Variants in FNDC3A observed in about 807,000 individuals in gnomAD.
The protein encoded by FNDC3A is fibronectin type III domain containing 3A.
A neutral mutation model predicts 148.9 loss-of-function variants in FNDC3A; 32 were observed. The ratio of observed to expected loss-of-function variants is 0.21; its 90% CI spans 0.16 to 0.29. The LOEUF (loss-of-function observed/expected upper bound fraction) is 0.29. Among genes scored for constraint, FNDC3A ranks in the 10% least tolerant of loss-of-function variants. The pLI, the probability that FNDC3A is intolerant of heterozygous loss-of-function variation, is 1.00. For missense variants in FNDC3A, 1,191 were observed against 1,452.8 expected (o/e 0.82, Z 2.93); for synonymous variants, 472 against 473.6 (o/e 1.00, Z 0.04).
Position 49,089,495 on chromosome 13 carries a change from G to T in FNDC3A, c.175+14131G>T, listed in dbSNP as rs1034570043. ...TCAAGTGAGTCCTTATGAAAAGAGG[G>T]CCTTTCTGGAAGAGATTTGAAGCAT... On this transcript the variant is annotated intron_variant, in intron 3 of 25. Coordinates refer to ENST00000492622, the MANE Select transcript of FNDC3A (RefSeq NM_001079673.2). Among the ~76,000 whole-genome samples, 9 of 152,322 alleles carry T rather than the reference G, an allele frequency of 5.9e-5. 1 individual carries two copies. The South Asian group carries it at 1.9e-3, about 32-fold the overall frequency.
intron 14 of FNDC3A, among the ~76,000 whole-genome samples, chr13:49,182,284 C>T (rs554307499): frequency 3.3e-5 from 5 of 152,178 alleles, no homozygotes; most frequent in South Asian, 2.1e-4. Flanking sequence ...CCACGACACC[C>T]GGCCAAAAAT....
intron 11 of FNDC3A, 131 bp downstream of exon 11, chr13:49,172,227 C>A: frequency 1.9e-6 from 1 of 532,560 alleles, no homozygotes; most frequent in Non-Finnish European, 3.3e-6. Context: ...TTGTGTGGTG[C>A]ATGAGTGGAT....
At chr13:49,070,840 GACCTCAATTTCCATCCATTTTGCC>G (rs1373580228) in intron 2 of FNDC3A, among the ~76,000 whole-genome samples, 1 of 149,044 alleles carries the variant, frequency 6.7e-6, no homozygotes, top group African/African-American at 2.5e-5. Context: ...TGAACATAAC[GACCTCAATTTCCATCCATTTTGCC>G]ACAGATAACA....
chr13:49,128,246 T>C (rs1477320821), intron 4 of FNDC3A, among the ~76,000 whole-genome samples: 1 of 152,210 alleles, frequency 6.6e-6, no homozygotes, highest in Non-Finnish European at 1.5e-5. Flanking sequence ...TCCCTGGTCT[T>C]AGCTGTGATC....
intron 11 of FNDC3A, among the ~76,000 whole-genome samples, chr13:49,173,007 T>C (rs984922320): frequency 4.6e-5 from 7 of 152,208 alleles, no homozygotes; most frequent in Admixed American, 3.9e-4. Flanking sequence ...TAACAATAGC[T>C]AATGAGCTTT....
At chr13:49,133,864 A>G (rs2137931698) in intron 5 of FNDC3A, among the ~76,000 whole-genome samples, 2 of 152,272 alleles carry the variant, frequency 1.3e-5, no homozygotes, top group Non-Finnish European at 2.9e-5. Flanking sequence ...TTCTCTTTCT[A>G]CTATAATATA....
chr13:49,196,403 A>G (rs1886154508), intron 19 of FNDC3A, among the ~76,000 whole-genome samples: 1 of 152,254 alleles, frequency 6.6e-6, no homozygotes, highest in South Asian at 2.1e-4. Context: ...TGGAACAGAA[A>G]AATCAAATTC....
chr13:49,129,172 G>A (rs1313327321), intron 4 of FNDC3A, among the ~76,000 whole-genome samples: 2 of 152,226 alleles, frequency 1.3e-5, no homozygotes, highest in African/African-American at 2.4e-5. Context: ...AGTGGAGAAG[G>A]TAAAGTTAGA....
chr13:49,079,155 A>C (rs1028803218), intron 3 of FNDC3A, among the ~76,000 whole-genome samples: 12 of 152,212 alleles, frequency 7.9e-5, no homozygotes, highest in Admixed American at 3.3e-4. Context: ...TTATGGGCAG[A>C]GTTCAATACA....
intron 1 of FNDC3A, among the ~76,000 whole-genome samples, chr13:48,980,197 A>G (rs1951671899): frequency 6.6e-6 from 1 of 152,192 alleles, no homozygotes; most frequent in Non-Finnish European, 1.5e-5. Context: ...AGGCCTTACT[A>G]CAGTGAAAAT....
upstream of FNDC3A, chr13:48,975,412 G>C (rs1459915257): frequency 6.6e-6 from 1 of 152,168 alleles, no homozygotes; most frequent in Non-Finnish European, 1.5e-5. Context: ...AAATATTTTT[G>C]CTTGCTATCC....
intron 2 of FNDC3A, among the ~76,000 whole-genome samples, chr13:49,067,277 G>A (rs1877329722): frequency 6.6e-6 from 1 of 152,118 alleles, no homozygotes; most frequent in Non-Finnish European, 1.5e-5. Flanking sequence ...AAATATCTCT[G>A]ATTTGTCTAT....
At chr13:49,070,578 A>G (rs755081123) in intron 2 of FNDC3A, among the ~76,000 whole-genome samples, 6 of 152,228 alleles carry the variant, frequency 3.9e-5, no homozygotes, top group Non-Finnish European at 8.8e-5. Flanking sequence ...TGAAAACACA[A>G]CAATCTTCTA....
chr13:49,100,680 C>T (rs1879804523), intron 3 of FNDC3A, among the ~76,000 whole-genome samples: 1 of 152,104 alleles, frequency 6.6e-6, no homozygotes, highest in Admixed American at 6.6e-5. Flanking sequence ...TTCTTCTTAA[C>T]TTTTAATGTC....
intron 5 of FNDC3A, among the ~76,000 whole-genome samples, chr13:49,131,920 T>C (rs1882061612): frequency 1.3e-5 from 2 of 152,238 alleles, no homozygotes; most frequent in African/African-American, 4.8e-5. Flanking sequence ...GCCAGACTTA[T>C]TCCTGACTGC....
intron 2 of FNDC3A, among the ~76,000 whole-genome samples, chr13:49,061,354 CTTA>C (rs1876687608): frequency 2.9e-4 from 1 of 3,488 alleles, no homozygotes; most frequent in Non-Finnish European, 5.0e-4. Context: ...CTTCCCTTCC[CTTA>C]CCTTCCCTTC....
At chr13:48,997,708 G>A (rs1297747957) in intron 1 of FNDC3A, among the ~76,000 whole-genome samples, 3 of 152,108 alleles carry the variant, frequency 2.0e-5, no homozygotes, top group African/African-American at 7.2e-5. Flanking sequence ...CTTGGCCTCC[G>A]TAACTGTTAA....
At chr13:49,077,361 TAACACTTACTTC>T (rs1395585594) in intron 3 of FNDC3A, among the ~76,000 whole-genome samples, 5 of 152,254 alleles carry the variant, frequency 3.3e-5, no homozygotes, top group Admixed American at 1.3e-4. Context: ...GAAAGAACTC[TAACACTTACTTC>T]AAGACAACTG....
intron 2 of FNDC3A, among the ~76,000 whole-genome samples, chr13:49,041,133 C>T (rs746277393): frequency 5.3e-5 from 8 of 152,128 alleles, no homozygotes; most frequent in Non-Finnish European, 7.4e-5. Context: ...TGTGAGTGGG[C>T]GTAGCATTTA....
Sources: allele counts gnomAD v4.1 joint callset (sites outside exome capture counted in the v4.1 genomes callset), GRCh38; gene constraint gnomAD v4.1.1; transcripts MANE v1.5; gene names NCBI Gene and HGNC (gene_info 2026-07-23, HGNC 2026-07-21).